The following MARCHF3 variants were observed in gnomAD, a reference collection of about 807,000 sequenced individuals.
MARCHF3 encodes the protein E3 ubiquitin-protein ligase MARCHF3.
In MARCHF3, 13 loss-of-function variants were observed where a neutral mutation model predicts 24.2. The ratio of observed to expected loss-of-function variants is 0.54; its 90% confidence interval spans 0.35 to 0.85. The LOEUF (loss-of-function observed/expected upper bound fraction) is 0.85. Ranked by LOEUF, MARCHF3 falls within the 40% of genes least tolerant of loss-of-function variation. The pLI, the probability that MARCHF3 is intolerant of heterozygous loss-of-function variation, is 0.01. For synonymous variants in MARCHF3, 144 were observed against 137.3 expected (o/e 1.05, Z -0.34); for missense variants, 276 against 325.0 (o/e 0.85, Z 1.16).
At chr5:126,980,053 G>A (rs1751343645) in intron 1 of MARCHF3, among the ~76,000 whole-genome samples, 1 of 150,780 alleles carries the variant, frequency 6.6e-6, no homozygotes, top group African/African-American at 2.4e-5. Context: ...TAACAATCTT[G>A]CTCATTAGTG....
chr5:126,985,533 G>A (rs975518869), intron 1 of MARCHF3, among the ~76,000 whole-genome samples: 4 of 149,788 alleles, frequency 2.7e-5, no homozygotes, highest in African/African-American at 4.9e-5. Context: ...GCAGTGGCAC[G>A]ATCTTGGCTC....
At chr5:126,943,056 C>T (rs796759915) in intron 1 of MARCHF3, among the ~76,000 whole-genome samples, 5 of 152,146 alleles carry the variant, frequency 3.3e-5, no homozygotes, top group South Asian at 2.1e-4. Flanking sequence ...GAGGCCAAGG[C>T]GGGTGGATCA....
chr5:127,017,923 A>T (rs1038918698), intron 1 of MARCHF3, among the ~76,000 whole-genome samples: 1 of 152,228 alleles, frequency 6.6e-6, no homozygotes, highest in African/African-American at 2.4e-5. Flanking sequence ...TAAAGACTGG[A>T]TTATTAGAGG....
At chr5:127,010,113 G>C (rs1752430802) in intron 1 of MARCHF3, among the ~76,000 whole-genome samples, 1 of 152,130 alleles carries the variant, frequency 6.6e-6, no homozygotes, top group African/African-American at 2.4e-5. Flanking sequence ...TCTGAGTGGG[G>C]TTGAAGCAGA....
intron 4 of MARCHF3, among the ~76,000 whole-genome samples, chr5:126,872,513 T>A (rs997611783): frequency 7.9e-5 from 12 of 152,170 alleles, no homozygotes; most frequent in Admixed American, 7.2e-4. Context: ...ACCATGAGCT[T>A]GGAGTGACAA....
intron 1 of MARCHF3, among the ~76,000 whole-genome samples, chr5:127,004,940 G>C (rs1752256611): frequency 6.6e-6 from 1 of 151,834 alleles, no homozygotes; most frequent in African/African-American, 2.4e-5. Context: ...CACACAGCTG[G>C]TGTCAGCTGA....
intron 3 of MARCHF3, 72 bp downstream of exon 3, chr5:126,914,858 T>C: frequency 6.7e-7 from 1 of 1,493,580 alleles, no homozygotes; most frequent in Non-Finnish European, 9.2e-7. Context: ...ACAGGGCTTG[T>C]GATCCAGGCA....
At chr5:126,962,420 G>A (rs1391044708) in intron 1 of MARCHF3, among the ~76,000 whole-genome samples, 2 of 152,010 alleles carry the variant, frequency 1.3e-5, no homozygotes, top group African/African-American at 4.8e-5. Context: ...ATATATGTGT[G>A]TGTGTGTATG....
At chr5:126,968,086 T>C (rs1377732620) in intron 1 of MARCHF3, among the ~76,000 whole-genome samples, 2 of 152,246 alleles carry the variant, frequency 1.3e-5, no homozygotes, top group African/African-American at 4.8e-5. Flanking sequence ...TTTTGGTGTC[T>C]GGCTTCTTTC....
chr5:126,987,971 G>A (rs1751625311), intron 1 of MARCHF3, among the ~76,000 whole-genome samples: 3 of 152,226 alleles, frequency 2.0e-5, no homozygotes, highest in Admixed American at 6.5e-5. Flanking sequence ...ACGGGAAGCC[G>A]CATGAGGGAC....
chr5:126,935,480 G>C, intron 1 of MARCHF3, among the ~76,000 whole-genome samples: 1 of 151,822 alleles, frequency 6.6e-6, no homozygotes, highest in Admixed American at 6.6e-5. Flanking sequence ...TGGCTCTCTT[G>C]GGTCTCTAGC....
Position 126,878,175 on chromosome 5 carries a change from C to T in MARCHF3, c.603+10G>A. 1.9e-6 allele frequency: 3 copies of T among 1,613,528 alleles called. No individual in the cohort carries two copies. Among genetic ancestry groups the T allele is most frequent in the East Asian group, 2.2e-5 (1 of 44,878 alleles). ...AAATGGCCTGAACCCCAGCCACGGCCCATACTTACTAGTGTCCAAAAGAGG... is the reference window on the plus strand; with the variant it reads ...AAATGGCCTGAACCCCAGCCACGGCTCATACTTACTAGTGTCCAAAAGAGG... On this transcript the variant is annotated intron_variant, in intron 4 of 4. Coordinates refer to ENST00000308660, the MANE Select transcript of MARCHF3 (RefSeq NM_178450.5).
chr5:126,990,921 G>GA (rs892202533), intron 1 of MARCHF3, among the ~76,000 whole-genome samples: 6 of 152,194 alleles, frequency 3.9e-5, no homozygotes, highest in Admixed American at 3.9e-4. Context: ...AGGATGTGGA[G>GA]AAATAGGAAC....
At chr5:126,894,442 T>C (rs533104814) in intron 3 of MARCHF3, among the ~76,000 whole-genome samples, 12 of 151,552 alleles carry the variant, frequency 7.9e-5, no homozygotes, top group African/African-American at 2.7e-4. Context: ...TTCCTTTCCA[T>C]GTTTAGCGCT....
chr5:126,946,761 G>GGTGTGTGTGT (rs58269583), intron 1 of MARCHF3, among the ~76,000 whole-genome samples: 20,218 of 135,780 alleles, frequency 0.15, 1,624 homozygotes, highest in African/African-American at 0.18. Context: ...TGTAAGTAGG[G>GGTGTGTGTGT]GTGTGTGTGT....
intron 1 of MARCHF3, among the ~76,000 whole-genome samples, chr5:126,934,398 G>T (rs1018698943): frequency 6.6e-6 from 1 of 151,762 alleles, no homozygotes; most frequent in Non-Finnish European, 1.5e-5. Context: ...CTTCTAAGCA[G>T]TCCAGTATTA....
At chr5:126,932,814 G>C (rs1201979993) in intron 1 of MARCHF3, among the ~76,000 whole-genome samples, 2 of 152,108 alleles carry the variant, frequency 1.3e-5, no homozygotes, top group African/African-American at 2.4e-5. Flanking sequence ...CCAAGAGCCA[G>C]GTACCATTTT....
chr5:126,997,147 T>C (rs191066657), intron 1 of MARCHF3, among the ~76,000 whole-genome samples: 5 of 152,298 alleles, frequency 3.3e-5, no homozygotes, highest in African/African-American at 9.6e-5. Flanking sequence ...AAAGGACCAA[T>C]AGATACCAGA....
At chr5:127,017,176 T>G (rs1463887544) in intron 1 of MARCHF3, among the ~76,000 whole-genome samples, 1 of 152,188 alleles carries the variant, frequency 6.6e-6, no homozygotes, top group African/African-American at 2.4e-5. Flanking sequence ...GATGAGTTGA[T>G]GGGTGCAGCA....
Sources: gnomAD v4.1 joint callset for allele counts (sites outside exome capture counted in the v4.1 genomes callset) on GRCh38, gnomAD v4.1.1 for gene constraint, MANE v1.5 for transcripts, NCBI Gene and HGNC (gene_info 2026-07-23, HGNC 2026-07-21) for gene names.